Variants in TMED10 observed in about 807,000 individuals in gnomAD.
The protein encoded by TMED10 is transmembrane p24 trafficking protein 10.
Under a neutral mutation model 23.1 loss-of-function variants are expected in TMED10, and 7 were observed. That is an observed-to-expected ratio of 0.30 (90% CI 0.17 to 0.57). The LOEUF (loss-of-function observed/expected upper bound fraction) is 0.57, where lower values mean the gene tolerates loss of function less well. Among genes scored for constraint, TMED10 ranks in the 20% least tolerant of loss-of-function variants. The probability of loss-of-function intolerance (pLI) is 0.91; values close to 1 mark genes in which losing one functional copy is unlikely to be tolerated. For missense variants in TMED10, 162 were observed against 274.8 expected, an observed-to-expected ratio of 0.59 and a Z score of 2.90; for synonymous variants, 113 against 106.9, an observed-to-expected ratio of 1.06 and a Z score of -0.35.
intron 1 of TMED10, among the ~76,000 whole-genome samples, chr14:75,160,174 C>A (rs752638347): frequency 6.6e-6 from 1 of 152,138 alleles, no homozygotes; most frequent in Non-Finnish European, 1.5e-5. Flanking sequence ...AAACATCTCA[C>A]GATTTTTCTG....
chr14:75,159,868 G>A (rs1448108283), intron 1 of TMED10, among the ~76,000 whole-genome samples: 2 of 152,084 alleles, frequency 1.3e-5, no homozygotes, highest in South Asian at 2.1e-4. Context: ...TATGACATCC[G>A]AAGATTATTA....
At chr14:75,144,388 T>C (rs1360749616) in intron 3 of TMED10, among the ~76,000 whole-genome samples, 1 of 152,212 alleles carries the variant, frequency 6.6e-6, no homozygotes, top group Non-Finnish European at 1.5e-5. Context: ...AGTGCTTTAT[T>C]TCCGAGGACA....
At chr14:75,176,302 C>G in intron 1 of TMED10, 53 bp downstream of exon 1, 1 of 1,604,502 alleles carries the variant, frequency 6.2e-7, no homozygotes, top group Non-Finnish European at 8.5e-7. Context: ...CGAGCCTCCC[C>G]TCGCCTAAGC....
At chr14:75,164,532 AATATATATATATATAT>A (rs368412262) in intron 1 of TMED10, among the ~76,000 whole-genome samples, 100 of 54,374 alleles carry the variant, frequency 1.8e-3, no homozygotes, top group African/African-American at 2.3e-3. Context: ...CACCTGGCCT[AATATATATATATATAT>A]ATATATATAT....
chr14:75,142,261 C>A (rs1192868111), intron 3 of TMED10, among the ~76,000 whole-genome samples: 1 of 152,152 alleles, frequency 6.6e-6, no homozygotes, highest in Non-Finnish European at 1.5e-5. Context: ...GTTATAGTTA[C>A]AAGGTGCTTC....
At chr14:75,170,542 G>C (rs1896220746) in intron 1 of TMED10, among the ~76,000 whole-genome samples, 1 of 151,956 alleles carries the variant, frequency 6.6e-6, no homozygotes, top group African/African-American at 2.4e-5. Flanking sequence ...CCAATATGAA[G>C]GAACCAAAGG....
chr14:75,143,460 C>T (rs576945126), intron 3 of TMED10, among the ~76,000 whole-genome samples: 1 of 152,220 alleles, frequency 6.6e-6, no homozygotes, highest in East Asian at 1.9e-4. Context: ...TTAATCTAAC[C>T]TCTAGGGAAT....
intron 1 of TMED10, among the ~76,000 whole-genome samples, chr14:75,173,152 G>A (rs1438906510): frequency 6.6e-6 from 1 of 152,200 alleles, no homozygotes; most frequent in Admixed American, 6.5e-5. Flanking sequence ...TTGGGAGGCC[G>A]AGATGGGCGG....
intron 1 of TMED10, 105 bp downstream of exon 1, chr14:75,176,250 A>T: frequency 7.1e-7 from 1 of 1,413,850 alleles, no homozygotes; most frequent in Non-Finnish European, 9.7e-7. Context: ...CCGGGAGGCC[A>T]GAACAACTCC....
chr14:75,139,889 C>A (rs1344066283), intron 3 of TMED10, among the ~76,000 whole-genome samples: 7 of 152,076 alleles, frequency 4.6e-5, no homozygotes, highest in Non-Finnish European at 1.0e-4. Context: ...TAGTAAAAAA[C>A]AACAATCATG....
Position 75,176,530 on chromosome 14 carries a change from G to A in TMED10, c.50C>T (p.Ala17Val). ...PPARRGPFPL[A>V]LLLLFLLGPR... is the part of the protein sequence containing the mutation. Reference sequence around the variant, plus strand: ...GCCGAGCAGGAACAAAAGCAGCAACGCTAACGGAAAAGGGCCGCGCCGGGC... The same window carrying A: ...GCCGAGCAGGAACAAAAGCAGCAACACTAACGGAAAAGGGCCGCGCCGGGC... Residue 17 changes from alanine to valine, a missense_variant, in exon 1 of 5, where the codon GCG becomes GTG. By Grantham distance (64) the Ala-to-Val change is moderately conservative. Around this residue, in one of 2 missense-constraint regions of TMED10, gnomAD observed 36 missense variants for 35.2 expected, o/e 1.02. Coordinates refer to ENST00000303575, the MANE Select transcript of TMED10 (RefSeq NM_006827.6). 6.2e-7 allele frequency: 1 copy of A among 1,614,178 alleles called. No homozygotes were observed. The highest frequency in any genetic ancestry group is 8.5e-7 in the Non-Finnish European group (1 of 1,180,034).
In TMED10 at chr14:75,134,867, G is replaced by T; in HGVS notation, c.*18C>A. The stretch of plus-strand genomic sequence containing the variant: ...TGCTGGCTGAGGTACAAGGTGGGAG[G>T]AGAATATGCCTCATTCATTACTCAA... On this transcript the variant is annotated 3_prime_UTR_variant, in exon 5 of 5. Coordinates refer to ENST00000303575, the MANE Select transcript of TMED10 (RefSeq NM_006827.6). 6.2e-7 allele frequency: 1 copy of T among 1,613,380 alleles called. No homozygotes were observed. Among genetic ancestry groups the T allele is most frequent in the African/African-American group, 1.3e-5 (1 of 75,016 alleles).
chr14:75,166,417 A>G (rs555981330), intron 1 of TMED10, among the ~76,000 whole-genome samples: 3 of 152,212 alleles, frequency 2.0e-5, no homozygotes, highest in Admixed American at 6.5e-5. Flanking sequence ...AGCAATTCAC[A>G]CAAGAAACAG....
At chr14:75,152,355 T>G (rs1895964837) in intron 1 of TMED10, among the ~76,000 whole-genome samples, 1 of 152,224 alleles carries the variant, frequency 6.6e-6, no homozygotes. Flanking sequence ...CTAATCACAC[T>G]GTGGGCTAAA....
chr14:75,147,185 G>GTTTTTTTTTTTTTTTTTTTTTTTT (rs71119349), intron 3 of TMED10, among the ~76,000 whole-genome samples: 8 of 116,614 alleles, frequency 6.9e-5, no homozygotes, highest in African/African-American at 3.0e-4. Context: ...CTTCAAGGCT[G>GTTTTTTTTTTTTTTTTTTTTTTTT]TTTTTTTTTT....
intron 2 of TMED10, among the ~76,000 whole-genome samples, chr14:75,149,597 A>C (rs1311044780): frequency 6.6e-6 from 1 of 152,250 alleles, no homozygotes; most frequent in African/African-American, 2.4e-5. Context: ...TGAAAATGCA[A>C]AGCACTGTAA....
chr14:75,170,099 C>T (rs906280767), intron 1 of TMED10, among the ~76,000 whole-genome samples: 3 of 151,698 alleles, frequency 2.0e-5, no homozygotes, highest in Non-Finnish European at 4.4e-5. Context: ...TGGTGGCGGG[C>T]GCCTGTAGTC....
chr14:75,172,092 G>C (rs1176389981), intron 1 of TMED10, among the ~76,000 whole-genome samples: 1 of 152,068 alleles, frequency 6.6e-6, no homozygotes, highest in Non-Finnish European at 1.5e-5. Flanking sequence ...CTGGTTAAAA[G>C]ACACCTCTAG....
chr14:75,141,384 C>T (rs376866688), intron 3 of TMED10, among the ~76,000 whole-genome samples: 2 of 152,006 alleles, frequency 1.3e-5, no homozygotes, highest in East Asian at 3.9e-4. Context: ...CACATAACTG[C>T]CACACACTTG....
Sources: gnomAD v4.1 joint callset for allele counts (sites outside exome capture counted in the v4.1 genomes callset) on GRCh38, gnomAD v4.1.1 for gene constraint, gnomAD v4.1.1 regional missense constraint, MANE v1.5 for transcripts, NCBI Gene and HGNC (gene_info 2026-07-23, HGNC 2026-07-21) for gene names.